VHL: variants seen among roughly 807,000 people sequenced by gnomAD.
The protein encoded by VHL is von Hippel-Lindau tumor suppressor.
In VHL, 10 loss-of-function variants were observed where a neutral mutation model predicts 19.2. The ratio of observed to expected loss-of-function variants is 0.52; its 90% confidence interval spans 0.32 to 0.89. The LOEUF (loss-of-function observed/expected upper bound fraction) is 0.89. Ranked by LOEUF, VHL falls within the 40% of genes least tolerant of loss-of-function variation. VHL has a pLI of 0.03. For synonymous variants in VHL, 167 were observed against 129.5 expected, an observed-to-expected ratio of 1.29 and a Z score of -1.97; for missense variants, 328 against 292.7, an observed-to-expected ratio of 1.12 and a Z score of -0.88.
chr3:10,143,635 G>T (rs1393504328), intron 1 of VHL, among the ~76,000 whole-genome samples: 1 of 152,056 alleles, frequency 6.6e-6, no homozygotes, highest in Non-Finnish European at 1.5e-5. Context: ...TCTTAGTAGA[G>T]ACAGGGTTTC....
chr3:10,146,865 G>A lies in VHL; in HGVS notation c.463+229G>A, dbSNP rs1322308000. 4.6e-5 allele frequency among the ~76,000 whole-genome samples: 7 copies of A among 152,144 alleles called. 1 individual carries two copies. Among genetic ancestry groups the A allele is most frequent in the Non-Finnish European group, 1.0e-4 (7 of 68,026 alleles). On this transcript the variant is annotated intron_variant, in intron 2 of 2. Transcript: ENST00000256474. ...CACTTTGGGCTCTTAAGAGACAAGC[G>A]AAATTAAAGTATCATATCATAGGTT...
At position 10,151,559 on chromosome 3, in the gene VHL, T is replaced by C. The variant is rs1335031284; in HGVS notation, c.*1594T>C. On this transcript the variant is annotated 3_prime_UTR_variant, in exon 3 of 3. Transcript: ENST00000256474. ...CCTTCCAGCCTTTTTAGGGCAGATTTTGGTTGGTTTTTACATAGTTGAGAT... is the reference window on the plus strand; with the variant it reads ...CCTTCCAGCCTTTTTAGGGCAGATTCTGGTTGGTTTTTACATAGTTGAGAT... 1 of 225,746 alleles carries C rather than the reference T, an allele frequency of 4.4e-6. No homozygotes were observed. The highest frequency in any genetic ancestry group is 5.7e-5 in the Admixed American group (1 of 17,526). 14.0% of individuals were successfully genotyped at this position (225,746 alleles called of 1,614,324 possible).
In VHL at chr3:10,151,783, C is replaced by T. The variant is rs938851350; in HGVS notation, c.*1818C>T. Reference sequence around the variant, plus strand: ...TTCCTGTGCTCAAAAATGAGAGTGACGGCTGGCATGGTGGCTCCCGCCTGT... The same window carrying T: ...TTCCTGTGCTCAAAAATGAGAGTGATGGCTGGCATGGTGGCTCCCGCCTGT... On this transcript the variant is annotated 3_prime_UTR_variant, in exon 3 of 3. Transcript: ENST00000256474. 58 of 203,202 alleles carry T rather than the reference C, an allele frequency of 2.9e-4. No individual in the cohort carries two copies. The highest frequency in any genetic ancestry group is 1.1e-3 in the African/African-American group (46 of 43,700). The allele number at this position is 203,202 out of a possible 1,614,324, so 12.6% of individuals were successfully genotyped here.
Position 10,141,812 on chromosome 3 carries a change from C to G in VHL, c.-36C>G, listed in dbSNP as rs1349047110. ...CCCCGCGTCCGACCCGCGGATCCCG[C>G]GGCGTCCGGCCCGGGTGGTCTGGAT... On this transcript the variant is annotated 5_prime_UTR_variant, in exon 1 of 3. Coordinates refer to ENST00000256474, the MANE Select transcript of VHL (RefSeq NM_000551.4). 1.6e-5 allele frequency: 25 copies of G among 1,535,722 alleles called. No homozygotes were observed. The highest frequency in any genetic ancestry group is 2.1e-5 in the Non-Finnish European group (24 of 1,140,326).
chr3:10,146,645 GTTTTACTTTTT>G lies in VHL; in HGVS notation c.463+10_463+20del. On this transcript the variant is annotated intron_variant, in intron 2 of 2. Coordinates refer to ENST00000256474, the MANE Select transcript of VHL (RefSeq NM_000551.4). The stretch of plus-strand genomic sequence containing the variant: ...CAATATCACACTGCCAGGTACTGAC[GTTTTACTTTTT>G]AAAAAGATAAGGTTGTTGTGGTAAG... 1 of 1,613,256 alleles carries G rather than the reference GTTTTACTTTTT, an allele frequency of 6.2e-7. No individual in the cohort carries two copies. Among genetic ancestry groups the G allele is most frequent in the Non-Finnish European group, 8.5e-7 (1 of 1,179,418 alleles).
intron 2 of VHL, among the ~76,000 whole-genome samples, chr3:10,148,318 T>TC (rs1193414616): frequency 6.8e-6 from 1 of 146,036 alleles, no homozygotes; most frequent in Non-Finnish European, 1.5e-5. Context: ...AGATTTTCTT[T>TC]TTTTTTTTTT....
rs116182840 is a variant in VHL, at chr3:10,150,683, T to C, written c.*718T>C. ...CCACTCTTGTTGAAGTGCTGTTTTA[T>C]TACTGTTTCTAAACTAGGATTGACA... On this transcript the variant is annotated 3_prime_UTR_variant, in exon 3 of 3. Coordinates refer to ENST00000256474, the MANE Select transcript of VHL (RefSeq NM_000551.4). 4.2e-3 allele frequency: 996 copies of C among 234,360 alleles called. 14 individuals carry two copies. Among genetic ancestry groups the C allele is most frequent in the African/African-American group, 0.02 (914 of 45,466 alleles). 14.5% of individuals were successfully genotyped at this position (234,360 alleles called of 1,614,324 possible).
rs1696460447 is a variant in VHL, at chr3:10,153,240, T to C, written c.*3275T>C. Among the ~76,000 whole-genome samples the C allele has an allele frequency of 6.6e-6, 1 of 151,444 alleles. No individual in the cohort carries two copies. Among genetic ancestry groups the C allele is most frequent in the Non-Finnish European group, 1.5e-5 (1 of 67,928 alleles). ...TTGCAGTGAGCTGAGATGGTGCCAC[T>C]GCACTCTAACCTGGGCGACAGAGTG... On this transcript the variant is annotated 3_prime_UTR_variant, in exon 3 of 3. Coordinates refer to ENST00000256474, the MANE Select transcript of VHL (RefSeq NM_000551.4).
Position 10,143,181 on chromosome 3 carries a change from A to G in VHL, c.340+994A>G, listed in dbSNP as rs11920834. On this transcript the variant is annotated intron_variant, in intron 1 of 2. Coordinates refer to ENST00000256474, the MANE Select transcript of VHL (RefSeq NM_000551.4). ...GCTGGAGTGCAGTGGCCCACGCTAG[A>G]ATGCAGTGGCGCGATTGCGGCTCAT... Among the ~76,000 whole-genome samples, 4,136 of 151,786 alleles carry G rather than the reference A, an allele frequency of 0.027. 183 individuals are homozygous for G. The highest frequency in any genetic ancestry group is 0.094 in the African/African-American group (3,873 of 41,252).
At chr3:10,148,173 TC>T (rs1486464123) in intron 2 of VHL, among the ~76,000 whole-genome samples, 2 of 152,006 alleles carry the variant, frequency 1.3e-5, no homozygotes, top group Non-Finnish European at 2.9e-5. Flanking sequence ...TGTGTATAGA[TC>T]CTGTTTTAAG....
At position 10,153,225 on chromosome 3, in the gene VHL, C is replaced by T. The variant is rs376605529; in HGVS notation, c.*3260C>T. Among the ~76,000 whole-genome samples the T allele has an allele frequency of 1.3e-5, 2 of 152,024 alleles. No individual in the cohort carries two copies. ...CCTGGAAGGCGGAGCTTGCAGTGAG[C>T]TGAGATGGTGCCACTGCACTCTAAC... On this transcript the variant is annotated 3_prime_UTR_variant, in exon 3 of 3. Transcript: ENST00000256474.
Position 10,153,455 on chromosome 3 carries a change from A to C in VHL, c.*3490A>C, listed in dbSNP as rs958001412. ...AAAAAGAAACCAAAAAAACAAAAAA[A>C]AAACATGCCGTTTGAGTACTGTGTT... On this transcript the variant is annotated 3_prime_UTR_variant, in exon 3 of 3. Transcript: ENST00000256474. Among the ~76,000 whole-genome samples the C allele has an allele frequency of 2.0e-5, 3 of 152,108 alleles. No individual in the cohort carries two copies. The highest frequency in any genetic ancestry group is 4.4e-5 in the Non-Finnish European group (3 of 68,038).
At chr3:10,148,689 T>TG (rs1369676537) in intron 2 of VHL, among the ~76,000 whole-genome samples, 2 of 150,212 alleles carry the variant, frequency 1.3e-5, no homozygotes, top group African/African-American at 4.9e-5. Context: ...CACCTTTTTT[T>TG]TTTTTTTGAG....
intron 2 of VHL, among the ~76,000 whole-genome samples, chr3:10,147,045 T>C (rs188098482): frequency 8.6e-4 from 131 of 152,328 alleles, no homozygotes; most frequent in African/African-American, 3.0e-3. Context: ...AGAATCTCGC[T>C]GTGTTAGCTA....
intron 2 of VHL, among the ~76,000 whole-genome samples, chr3:10,148,847 A>G (rs1482964635): frequency 6.7e-6 from 1 of 150,108 alleles, no homozygotes; most frequent in South Asian, 2.1e-4. Context: ...AATTTTTTGC[A>G]TTTTAGTGGA....
chr3:10,144,447 G>C (rs1305964069), intron 1 of VHL, among the ~76,000 whole-genome samples: 1 of 151,300 alleles, frequency 6.6e-6, no homozygotes, highest in Non-Finnish European at 1.5e-5. Context: ...CTGAATAGTT[G>C]CTGTACTCTA....
At chr3:10,145,526 A>G (rs972309542) in intron 1 of VHL, among the ~76,000 whole-genome samples, 5 of 151,934 alleles carry the variant, frequency 3.3e-5, no homozygotes, top group African/African-American at 9.7e-5. Context: ...TAATACGGTG[A>G]AACCCTGTCT....
chr3:10,142,689 T>C (rs1696156266), intron 1 of VHL: 1 of 163,714 alleles, frequency 6.1e-6, no homozygotes, highest in Non-Finnish European at 1.3e-5. Flanking sequence ...TGAAGGTGGC[T>C]CCCCCCAGTC....
intron 2 of VHL, among the ~76,000 whole-genome samples, chr3:10,148,322 T>TC: frequency 6.7e-6 from 1 of 149,362 alleles, no homozygotes; most frequent in East Asian, 1.9e-4. Flanking sequence ...TTTCTTTTTT[T>TC]TTTTTTTTTT....
Sources: gnomAD v4.1 joint callset for allele counts (sites outside exome capture counted in the v4.1 genomes callset) on GRCh38, gnomAD v4.1.1 for gene constraint, MANE v1.5 for transcripts, NCBI Gene and HGNC (gene_info 2026-07-23, HGNC 2026-07-21) for gene names.